ZNF568: variants seen among roughly 807,000 people sequenced by gnomAD.
ZNF568 encodes the protein zinc finger protein 568, also known as p53 inhibitor of SCO2 activation.
Under a neutral mutation model 18.1 loss-of-function variants are expected in ZNF568, and 11 were observed. That is an observed-to-expected ratio of 0.61 (90% CI 0.38 to 1.00). The LOEUF (loss-of-function observed/expected upper bound fraction) is 1.00, where lower values mean the gene tolerates loss of function less well. Ranked by LOEUF, ZNF568 falls within the 50% of genes least tolerant of loss-of-function variation. ZNF568 has a pLI of 0.01. For missense variants in ZNF568, 639 were observed against 768.2 expected (o/e 0.83, Z 1.99); for synonymous variants, 213 against 246.6 (o/e 0.86, Z 1.28).
intron 2 of ZNF568, among the ~76,000 whole-genome samples, chr19:36,988,955 C>T (rs2074399816): frequency 6.6e-6 from 1 of 152,168 alleles, no homozygotes; most frequent in Non-Finnish European, 1.5e-5. Flanking sequence ...ATGTATTCCT[C>T]CTGATTGTAA....
At chr19:36,985,421 A>C (rs2074367202) in intron 2 of ZNF568, among the ~76,000 whole-genome samples, 1 of 152,220 alleles carries the variant, frequency 6.6e-6, no homozygotes, top group African/African-American at 2.4e-5. Context: ...AAATTTTCAA[A>C]ACATAATGAA....
chr19:36,970,051 G>A lies in ZNF568; in HGVS notation c.359-4369G>A, dbSNP rs1047479125. 2.4e-5 allele frequency among the ~76,000 whole-genome samples: 3 copies of A among 123,186 alleles called. 1 individual carries two copies. The highest frequency in any genetic ancestry group is 9.6e-5 in the African/African-American group (3 of 31,156). 80.8% of individuals were successfully genotyped at this position (123,186 alleles called of 152,430 possible). A position where few individuals can be genotyped will look rare whatever the true frequency, so the allele number is the denominator to read the frequency against. On this transcript the variant is annotated intron_variant, in intron 6 of 7. Coordinates refer to the ZNF568 transcript ENST00000427117. The stretch of plus-strand genomic sequence containing the variant: ...GTGCTGGATTACAAGCATGAGCCAC[G>A]ATGCCTGGCCTCCATCTCAAGATTA...
chr19:36,929,945 GTTTT>G (rs60600732), intron 4 of ZNF568, among the ~76,000 whole-genome samples: 20 of 143,198 alleles, frequency 1.4e-4, no homozygotes, highest in Admixed American at 3.5e-4. Context: ...GCGTGTTCAT[GTTTT>G]TTTTTTTTTT....
chr19:36,992,266 G>C (rs1423841430), intron 4 of ZNF568, among the ~76,000 whole-genome samples: 2 of 150,060 alleles, frequency 1.3e-5, no homozygotes, highest in Non-Finnish European at 3.0e-5. Flanking sequence ...AAAAAAAGGA[G>C]GCCAAGGCAG....
intron 6 of ZNF568, among the ~76,000 whole-genome samples, chr19:36,947,192 T>A (rs1317734961): frequency 6.6e-6 from 1 of 151,896 alleles, no homozygotes; most frequent in Admixed American, 6.6e-5. Flanking sequence ...ATTTTTGTAT[T>A]TTTAGTAGAG....
chr19:36,975,504 G>C (rs753157344), intron 7 of ZNF568, among the ~76,000 whole-genome samples: 2 of 151,450 alleles, frequency 1.3e-5, no homozygotes, highest in Non-Finnish European at 2.9e-5. Context: ...TCCTGCCTCA[G>C]CCTTGCGAGT....
chr19:36,991,101 C>T lies in ZNF568; in HGVS notation c.10-75C>T. The T allele has an allele frequency of 1.4e-6, 2 of 1,445,062 alleles. 1 individual carries two copies. Among genetic ancestry groups the T allele is most frequent in the South Asian group, 2.7e-5 (2 of 73,406 alleles). The allele number at this position is 1,445,062 out of a possible 1,614,324, so 89.5% of individuals were successfully genotyped here. On this transcript the variant is annotated intron_variant, in intron 2 of 4. Transcript: ENST00000433993. ...TGGAACTTCCCTATTGAATTGCTTT[C>T]TCCATTTTCTTTTATGTTGTCTTAA... is the stretch of plus-strand genomic sequence containing the variant.
intron 4 of ZNF568, 51 bp downstream of exon 4, chr19:36,925,309 C>A: frequency 1.3e-6 from 2 of 1,533,226 alleles, no homozygotes; most frequent in Non-Finnish European, 9.0e-7. Context: ...AGTGCAGTTA[C>A]GGTGGGTTCT....
At chr19:36,923,165 T>G (rs2073486934) in intron 3 of ZNF568, among the ~76,000 whole-genome samples, 1 of 152,178 alleles carries the variant, frequency 6.6e-6, no homozygotes, top group Non-Finnish European at 1.5e-5. Context: ...CATTTTTGTC[T>G]CAATATTCTG....
chr19:36,951,465 A>T lies in ZNF568; in HGVS notation c.*377A>T, dbSNP rs1447393883. 6.4e-6 allele frequency: 1 copy of T among 156,516 alleles called. No individual in the cohort carries two copies. The highest frequency in any genetic ancestry group is 2.4e-5 in the African/African-American group (1 of 41,606). 9.7% of individuals were successfully genotyped at this position (156,516 alleles called of 1,614,324 possible). On this transcript the variant is annotated 3_prime_UTR_variant, in exon 7 of 7. Coordinates refer to ENST00000333987, the MANE Select transcript of ZNF568 (RefSeq NM_198539.4). ...ATTTAAAAATGTGTGATATTAGTAC[A>T]TTAGTAGGTAAATGAGCAGATTTTA... is the stretch of plus-strand genomic sequence containing the variant.
In ZNF568 at chr19:36,949,751, A is replaced by T. The variant is rs369811463; in HGVS notation, c.598A>T (p.Arg200Ter). 45 of 1,613,870 alleles carry T rather than the reference A, an allele frequency of 2.8e-5. No homozygotes were observed. The highest frequency in any genetic ancestry group is 3.6e-5 in the Non-Finnish European group (42 of 1,179,926). The change falls in exon 7 of 7, where the codon AGA (arginine) becomes TGA (stop). Residue 200 changes from arginine (R) to a stop codon, truncating the protein, a stop_gained. Transcript: ENST00000333987. LOFTEE classifies it low-confidence loss of function (END_TRUNC). Reference sequence around the variant, plus strand: ...ACTTAGATATGAGAAAGGCTGTGTAAGAGAGAAACAGAGTAATGAGTTTGG... The same window carrying T: ...ACTTAGATATGAGAAAGGCTGTGTATGAGAGAAACAGAGTAATGAGTTTGG... ...DLLRYEKGCV[R>*]EKQSNEFGKP...
downstream of ZNF568, among the ~76,000 whole-genome samples, chr19:36,981,472 C>T (rs956253022): frequency 6.6e-6 from 1 of 152,104 alleles, no homozygotes; most frequent in Non-Finnish European, 1.5e-5. Flanking sequence ...TTACTTGAGT[C>T]TTGTGGAATG....
chr19:36,933,613 A>G (rs1396349581), intron 4 of ZNF568, among the ~76,000 whole-genome samples: 4 of 151,850 alleles, frequency 2.6e-5, no homozygotes, highest in East Asian at 1.9e-4. Flanking sequence ...AATACTTTTT[A>G]TATGTTGTTG....
intron 6 of ZNF568, among the ~76,000 whole-genome samples, chr19:36,966,509 CTT>C (rs1463360433): frequency 6.6e-6 from 1 of 152,158 alleles, no homozygotes; most frequent in African/African-American, 2.4e-5. Flanking sequence ...TGTGTAGAAA[CTT>C]AGTACCCAAA....
Position 36,937,164 on chromosome 19 carries a change from C to T in ZNF568, c.280C>T (p.Pro94Ser). The T allele has an allele frequency of 6.2e-7, 1 of 1,613,936 alleles. No homozygotes were observed. The highest frequency in any genetic ancestry group is 8.5e-7 in the Non-Finnish European group (1 of 1,179,892). The change falls in exon 6 of 7, where the codon CCG becomes TCG. Residue 94 changes from proline (P) to serine (S), a missense_variant. Coordinates refer to ENST00000333987, the MANE Select transcript of ZNF568 (RefSeq NM_198539.4). ...LVTVGCQVTK[P>S]DVIFKLEQEE... Reference sequence around the variant, plus strand: ...TGTAATAGGCTGTCAAGTCACCAAACCGGATGTGATATTCAAGTTGGAGCA... The same window carrying T: ...TGTAATAGGCTGTCAAGTCACCAAATCGGATGTGATATTCAAGTTGGAGCA...
At chr19:36,925,151 C>T in intron 3 of ZNF568, 49 bp from the exon 4 acceptor site, 1 of 1,562,812 alleles carries the variant, frequency 6.4e-7, no homozygotes, top group Non-Finnish European at 8.8e-7. Flanking sequence ...TTTCTATATT[C>T]CTTTGTCTGA....
chr19:36,917,241 A>G (rs1264334846), intron 1 of ZNF568, among the ~76,000 whole-genome samples: 6 of 152,206 alleles, frequency 3.9e-5, no homozygotes, highest in African/African-American at 7.2e-5. Flanking sequence ...CTCAGGCCAA[A>G]AGGACATTTG....
chr19:36,959,189 C>A (rs1475543207), intron 6 of ZNF568, among the ~76,000 whole-genome samples: 4 of 152,016 alleles, frequency 2.6e-5, no homozygotes, highest in African/African-American at 9.7e-5. Flanking sequence ...AGGTATGTAC[C>A]TTCTGTGCCT....
downstream of ZNF568, among the ~76,000 whole-genome samples, chr19:36,981,107 A>C (rs1181823332): frequency 6.6e-6 from 1 of 152,160 alleles, no homozygotes; most frequent in African/African-American, 2.4e-5. Context: ...CTTTCTATGT[A>C]CTTCAGTGGC....
Sources: gnomAD v4.1 joint callset for allele counts (sites outside exome capture counted in the v4.1 genomes callset) on GRCh38, gnomAD v4.1.1 for gene constraint, MANE v1.5 for transcripts, NCBI Gene and HGNC (gene_info 2026-07-23, HGNC 2026-07-21) for gene names.